Variants in CTDSPL observed in about 807,000 individuals in gnomAD.
The protein encoded by CTDSPL is CTD small phosphatase like.
A neutral mutation model predicts 30.5 loss-of-function variants in CTDSPL; 8 were observed. That is an observed-to-expected ratio of 0.26 (90% confidence interval 0.15 to 0.47). The LOEUF (loss-of-function observed/expected upper bound fraction) is 0.47. Among genes scored for constraint, CTDSPL ranks in the 20% least tolerant of loss-of-function variants. The pLI is 0.99. For missense variants in CTDSPL, 248 were observed against 366.1 expected (o/e 0.68, Z 2.63); for synonymous variants, 110 against 137.9 (o/e 0.80, Z 1.42).
chr3:37,899,428 G>A (rs1040425808), intron 1 of CTDSPL, among the ~76,000 whole-genome samples: 8 of 152,300 alleles, frequency 5.3e-5, no homozygotes, highest in African/African-American at 1.9e-4. Context: ...ACAAGGGTCT[G>A]GTTCAAGGAA....
chr3:37,929,887 C>T (rs893119281), intron 1 of CTDSPL, among the ~76,000 whole-genome samples: 1 of 152,078 alleles, frequency 6.6e-6, no homozygotes, highest in South Asian at 2.1e-4. Flanking sequence ...GCAGGTGGAT[C>T]ACTTGAGGTC....
chr3:37,896,910 C>T (rs1225903268), intron 1 of CTDSPL, among the ~76,000 whole-genome samples: 5 of 152,084 alleles, frequency 3.3e-5, no homozygotes, highest in African/African-American at 1.2e-4. Flanking sequence ...TCAGCCTCCT[C>T]TCCCCTTCAC....
intron 3 of CTDSPL, among the ~76,000 whole-genome samples, chr3:37,958,907 G>A (rs115122639): frequency 0.015 from 2,244 of 152,264 alleles, 56 homozygotes; most frequent in African/African-American, 0.052. Context: ...CAGTCCATCC[G>A]GGCCAGCTCA....
At chr3:37,918,904 T>C (rs1698679728) in intron 1 of CTDSPL, among the ~76,000 whole-genome samples, 1 of 152,166 alleles carries the variant, frequency 6.6e-6, no homozygotes, top group South Asian at 2.1e-4. Flanking sequence ...AAGAAAACAC[T>C]AAGGGACATT....
At chr3:37,948,886 T>A (rs2125623417) in intron 2 of CTDSPL, among the ~76,000 whole-genome samples, 1 of 135,680 alleles carries the variant, frequency 7.4e-6, no homozygotes, top group East Asian at 2.4e-4. Flanking sequence ...AGTGGCGCAA[T>A]CTCGGCTCAC....
chr3:37,926,932 A>T (rs1698788074), intron 1 of CTDSPL, among the ~76,000 whole-genome samples: 1 of 152,176 alleles, frequency 6.6e-6, no homozygotes, highest in South Asian at 2.1e-4. Flanking sequence ...CAGTCCAACA[A>T]ACCTGAGTTC....
In CTDSPL at chr3:37,981,809, CT is replaced by C. The variant is rs1559651536; in HGVS notation, c.*945del. 1 of 456,900 alleles carries C rather than the reference CT, an allele frequency of 2.2e-6. No homozygotes were observed. The highest frequency in any genetic ancestry group is 2.0e-5 in the African/African-American group (1 of 50,204). The allele number at this position is 456,900 out of a possible 1,614,324, so 28.3% of individuals were successfully genotyped here. The stretch of plus-strand genomic sequence containing the variant: ...GAAATCTGTTTATTGATTTTTAAAT[CT>C]TTCCTTTCCAAAAGCTGGATACACA... On this transcript the variant is annotated 3_prime_UTR_variant, in exon 8 of 8. Transcript: ENST00000273179.
intron 1 of CTDSPL, among the ~76,000 whole-genome samples, chr3:37,914,799 A>T (rs573009681): frequency 7.3e-5 from 11 of 150,608 alleles, no homozygotes. Flanking sequence ...GTTTGGTTAG[A>T]CTTGCAAAAT....
intron 1 of CTDSPL, among the ~76,000 whole-genome samples, chr3:37,931,211 A>T (rs1400452554): frequency 6.8e-6 from 1 of 147,062 alleles, no homozygotes; most frequent in Non-Finnish European, 1.5e-5. Context: ...GCAGTGGTGC[A>T]CTCACAGCTT....
At chr3:37,877,105 CAAA>C (rs35298466) in intron 1 of CTDSPL, among the ~76,000 whole-genome samples, 1,398 of 84,612 alleles carry the variant, frequency 0.017, 26 homozygotes, top group South Asian at 0.13. Context: ...GACTCTGTCT[CAAA>C]AAAAAAAAAA....
At chr3:37,898,382 GT>G (rs1264853883) in intron 1 of CTDSPL, among the ~76,000 whole-genome samples, 1 of 152,218 alleles carries the variant, frequency 6.6e-6, no homozygotes, top group East Asian at 1.9e-4. Context: ...CAGACAGCAT[GT>G]TTAAAAGCCA....
At chr3:37,954,015 G>T (rs898527297) in intron 2 of CTDSPL, among the ~76,000 whole-genome samples, 7 of 152,214 alleles carry the variant, frequency 4.6e-5, no homozygotes, top group Non-Finnish European at 8.8e-5. Flanking sequence ...AAATGTGTGT[G>T]CTGTTTCTGG....
intron 1 of CTDSPL, among the ~76,000 whole-genome samples, chr3:37,946,517 G>A (rs1251821816): frequency 1.3e-5 from 2 of 152,218 alleles, no homozygotes; most frequent in African/African-American, 4.8e-5. Context: ...AGTTTAAGCA[G>A]GCGGTTCTTT....
chr3:37,984,155 G>T lies in CTDSPL; in HGVS notation c.*3288G>T. On this transcript the variant is annotated 3_prime_UTR_variant, in exon 8 of 8. Transcript: ENST00000273179. ...GTTCGAGAAGAGTGAATGGCTTGACGTACTTGCAGTTAACTGTGCAAAATT... is the reference window on the plus strand; with the variant it reads ...GTTCGAGAAGAGTGAATGGCTTGACTTACTTGCAGTTAACTGTGCAAAATT... 1 of 453,066 alleles carries T rather than the reference G, an allele frequency of 2.2e-6. No individual in the cohort carries two copies. The highest frequency in any genetic ancestry group is 4.5e-6 in the Non-Finnish European group (1 of 223,802). The allele number at this position is 453,066 out of a possible 1,614,324, so 28.1% of individuals were successfully genotyped here.
chr3:37,933,870 A>G (rs1194554092), intron 1 of CTDSPL, among the ~76,000 whole-genome samples: 1 of 152,166 alleles, frequency 6.6e-6, no homozygotes, highest in Non-Finnish European at 1.5e-5. Flanking sequence ...ATTTTGTCTG[A>G]CCAGTCTCAT....
intron 1 of CTDSPL, among the ~76,000 whole-genome samples, chr3:37,892,668 C>T (rs1698341529): frequency 1.3e-5 from 2 of 152,050 alleles, no homozygotes; most frequent in South Asian, 4.1e-4. Context: ...ACTGAGTGTT[C>T]TTATGGTGTC....
At chr3:37,964,296 G>A (rs956824872) in intron 3 of CTDSPL, among the ~76,000 whole-genome samples, 1 of 152,102 alleles carries the variant, frequency 6.6e-6, no homozygotes, top group African/African-American at 2.4e-5. Flanking sequence ...TTTCATGGTA[G>A]GTATTACTAT....
intron 1 of CTDSPL, among the ~76,000 whole-genome samples, chr3:37,918,184 T>G (rs140097794): frequency 6.6e-6 from 1 of 152,252 alleles, no homozygotes; most frequent in East Asian, 1.9e-4. Flanking sequence ...TAAGGTACAG[T>G]CTTCTCTCTG....
At chr3:37,939,338 C>T (rs530389726) in intron 1 of CTDSPL, among the ~76,000 whole-genome samples, 3 of 150,252 alleles carry the variant, frequency 2.0e-5, no homozygotes, top group African/African-American at 7.3e-5. Context: ...TGAGGTCACA[C>T]GGGCTAACAA....
Sources: allele counts gnomAD v4.1 joint callset (sites outside exome capture counted in the v4.1 genomes callset), GRCh38; gene constraint gnomAD v4.1.1; transcripts MANE v1.5; gene names NCBI Gene and HGNC (gene_info 2026-07-23, HGNC 2026-07-21).